Variants in UBA7 observed in about 807,000 individuals in gnomAD.
The protein encoded by UBA7 is ubiquitin like modifier activating enzyme 7, also known as ubiquitin-like modifier-activating enzyme 7.
In UBA7, 88 loss-of-function variants were observed where a neutral mutation model predicts 113.0. That is an observed-to-expected ratio of 0.78 (90% CI 0.66 to 0.93). The LOEUF (loss-of-function observed/expected upper bound fraction) is 0.93. UBA7 is among the 40% of genes least tolerant of loss of function. The pLI is 0.00. For synonymous variants in UBA7, 459 were observed against 513.0 expected (o/e 0.89, Z 1.42); for missense variants, 1,092 against 1,266.4 (o/e 0.86, Z 2.09).
chr3:49,806,959 T>A (rs912379410), intron 21 of UBA7, among the ~76,000 whole-genome samples: 3 of 152,162 alleles, frequency 2.0e-5, no homozygotes, highest in Admixed American at 2.0e-4. Flanking sequence ...AACCCAGTGC[T>A]GGCCCATGAC....
chr3:49,809,673 TC>T lies in UBA7; in HGVS notation c.1956del (p.Lys653SerfsTer7). ...DMDEPQTLTL[L>X]KPVLGVLRVR... ...ACTCTCAGGACCCCAAGCACTGGCT[TC>T]AGTAAGGTGAGTGTCTGTGGCTCAT... On this transcript the variant is annotated frameshift_variant, in exon 16 of 24. Transcript: ENST00000333486. LOFTEE classifies it high-confidence loss of function. The T allele has an allele frequency of 6.2e-7, 1 of 1,614,102 alleles. No homozygotes were observed. Among genetic ancestry groups the T allele is most frequent in the Non-Finnish European group, 8.5e-7 (1 of 1,180,024 alleles).
rs1208578246 is a variant in UBA7 at position 49,813,816 on chromosome 3, G to A, written c.-29C>T. ...CAAACCTGGGGCTGAACAGTAGGCTGCAGCGCTCAGAGATAGGGTCTTTGT... is the reference window on the plus strand; with the variant it reads ...CAAACCTGGGGCTGAACAGTAGGCTACAGCGCTCAGAGATAGGGTCTTTGT... On this transcript the variant is annotated 5_prime_UTR_variant, in exon 1 of 24. Coordinates refer to ENST00000333486, the MANE Select transcript of UBA7 (RefSeq NM_003335.3). The A allele has an allele frequency of 3.1e-6, 5 of 1,613,508 alleles. No homozygotes were observed. Among genetic ancestry groups the A allele is most frequent in the Non-Finnish European group, 4.2e-6 (5 of 1,179,752 alleles).
In UBA7 at chr3:49,809,809, C is replaced by A; in HGVS notation, c.1904+6G>T. 6.2e-7 allele frequency: 1 copy of A among 1,614,070 alleles called. No homozygotes were observed. On this transcript the variant is annotated splice_donor_region_variant and intron_variant, in intron 15 of 23. Coordinates refer to ENST00000333486, the MANE Select transcript of UBA7 (RefSeq NM_003335.3). ...GACTCCCATCTGCCTCTGTTGGTGG[C>A]CTTACTGTTGGTGGTGGTTGATGGT...
Position 49,807,736 on chromosome 3 carries a change from C to A in UBA7, c.2715G>T (p.Thr905=). Residue 905 remains threonine, a splice_region_variant and synonymous_variant, in exon 21 of 24, where the codon ACG becomes ACT. Transcript: ENST00000333486. This position sits in a 1 kb window ranked among gnomAD's most constrained non-coding sequence, Gnocchi z 4.0. The stretch of plus-strand genomic sequence containing the variant: ...TAAGGGTGGGGTATCATGGGCTCAC[C>A]GTCTGGATGGCTGGGGCAAAAGGCA... ...RYMPFAPAIQ[T]FHHLKWTSWD... 1 of 1,603,358 alleles carries A rather than the reference C, an allele frequency of 6.2e-7. No individual in the cohort carries two copies. The highest frequency in any genetic ancestry group is 8.5e-7 in the Non-Finnish European group (1 of 1,174,228).
chr3:49,806,828 G>A (rs751724698), intron 21 of UBA7, among the ~76,000 whole-genome samples: 28 of 151,920 alleles, frequency 1.8e-4, no homozygotes, highest in Non-Finnish European at 3.2e-4. Context: ...GTGAGATGGG[G>A]GCTTCTCCTT....
chr3:49,813,331 T>G lies in UBA7; in HGVS notation c.278A>C (p.Glu93Ala), dbSNP rs146340564. 58 of 1,614,026 alleles carry G rather than the reference T, an allele frequency of 3.6e-5. No individual in the cohort carries two copies. Among genetic ancestry groups the G allele is most frequent in the Non-Finnish European group, 4.8e-5 (57 of 1,180,032 alleles). Residue 93 changes from glutamate (E) to alanine (A), a missense_variant, in exon 3 of 24, where the codon GAG (glutamate) becomes GCG (alanine). Physicochemically the swap from Glu to Ala is moderately radical, Grantham distance 107. Coordinates refer to ENST00000333486, the MANE Select transcript of UBA7 (RefSeq NM_003335.3). ...AGCTCTGTTGAGCTGAGCCAAGAGC[T>G]CTTGAGAGGCCTCGGCTCTGCTCCT... ...LERSRAEASQELLAQLNRAVQ... is the reference protein window; with the variant it reads ...LERSRAEASQALLAQLNRAVQ...
rs779592568 is a variant in UBA7 at position 49,809,938 on chromosome 3, C to T, written c.1839+40G>A. 4.3e-6 allele frequency: 7 copies of T among 1,613,946 alleles called. No homozygotes were observed. In the East Asian group the frequency reaches 1.3e-4, roughly 31 times the overall value. On this transcript the variant is annotated intron_variant, in intron 14 of 23. Transcript: ENST00000333486. ...TGGAGAACAGGTCTGCAGCTGAGGG[C>T]TGAGCTGGGTGGGGTGGGAGTCTCC...
chr3:49,805,531 C>A, intron 23 of UBA7, 94 bp from the exon 24 acceptor site: 1 of 1,223,364 alleles, frequency 8.2e-7, no homozygotes, highest in South Asian at 1.2e-5. Context: ...GGCAGGCCGT[C>A]AGGAGCCCAA....
At chr3:49,806,039 T>C (rs200561513) in intron 22 of UBA7, 34 bp downstream of exon 22, 3 of 1,574,506 alleles carry the variant, frequency 1.9e-6, no homozygotes, top group African/African-American at 1.3e-5. Flanking sequence ...CGGGCTGGGC[T>C]GAGCCTGGGG....
chr3:49,806,010 G>T lies in UBA7; in HGVS notation c.2809-13C>A. 1 of 1,566,718 alleles carries T rather than the reference G, an allele frequency of 6.4e-7. No individual in the cohort carries two copies. The highest frequency in any genetic ancestry group is 8.7e-7 in the Non-Finnish European group (1 of 1,155,554). The stretch of plus-strand genomic sequence containing the variant: ...ACCCGTGCTGCTCCTAGAGGAGAAA[G>T]GTCAGACACCAGCTGGGCCGGGCTG... On this transcript the variant is annotated splice_polypyrimidine_tract_variant and intron_variant, in intron 22 of 23. Transcript: ENST00000333486.
At position 49,808,391 on chromosome 3, in the gene UBA7, C is replaced by G; in HGVS notation, c.2425G>C (p.Glu809Gln). ...VGPPLKPLMF[E>Q]KDDDSNFHVD... is the part of the protein sequence containing the mutation. ...ACTGCCACTTGGGCACCCACCTTCT[C>G]AAACATCAGAGGCTTCAGGGGAGGG... is the stretch of plus-strand genomic sequence containing the variant. Residue 809 changes from glutamate (E) to glutamine (Q), a missense_variant, in exon 19 of 24, where the codon GAG becomes CAG. By Grantham distance (29) the Glu-to-Gln change is conservative. Around this residue, in one of 3 missense-constraint regions of UBA7, gnomAD observed 500 missense variants for 529.3 expected, o/e 0.94. Coordinates refer to ENST00000333486, the MANE Select transcript of UBA7 (RefSeq NM_003335.3). 1 of 1,614,208 alleles carries G rather than the reference C, an allele frequency of 6.2e-7. No individual in the cohort carries two copies. Among genetic ancestry groups the G allele is most frequent in the East Asian group, 2.2e-5 (1 of 44,886 alleles).
At chr3:49,811,813 C>T in intron 8 of UBA7, 57 bp downstream of exon 8, 3 of 1,599,926 alleles carry the variant, frequency 1.9e-6, no homozygotes, top group Non-Finnish European at 2.6e-6. Flanking sequence ...TTGCCTCTGG[C>T]AGGTGGGACC....
Position 49,809,417 on chromosome 3 carries a change from G to A in UBA7, c.2136C>T (p.Pro712=). 1 of 1,614,160 alleles carries A rather than the reference G, an allele frequency of 6.2e-7. No homozygotes were observed. The highest frequency in any genetic ancestry group is 8.5e-7 in the Non-Finnish European group (1 of 1,180,014). The change falls in exon 17 of 24, where the codon CCC becomes CCT. Residue 712 remains proline (P), a synonymous_variant. Coordinates refer to ENST00000333486, the MANE Select transcript of UBA7 (RefSeq NM_003335.3). Reference sequence around the variant, plus strand: ...GGTTGGTGTCAAACTCCAAGGGCTGGGGACACTGTTTGGGACCTGACCAGA... The same window carrying A: ...GGTTGGTGTCAAACTCCAAGGGCTGAGGACACTGTTTGGGACCTGACCAGA... ...TPFWSGPKQC[P]QPLEFDTNQD...
In UBA7 at chr3:49,810,650, C is replaced by A. The variant is rs1424830411; in HGVS notation, c.1334G>T (p.Cys445Phe). Residue 445 changes from cysteine (C) to phenylalanine (F), a missense_variant, in exon 12 of 24, where the codon TGT becomes TTT. Cys to Phe is a radical substitution (Grantham distance 205). Around this residue, in one of 3 missense-constraint regions of UBA7, gnomAD observed 584 missense variants for 714.5 expected, o/e 0.82. Coordinates refer to ENST00000333486, the MANE Select transcript of UBA7 (RefSeq NM_003335.3). This position sits in a 1 kb window ranked among gnomAD's most constrained non-coding sequence, Gnocchi z 5.6. ...TAGGGCAAAGACTTTGAGCAGCTCA[C>A]AACCAATGGCACCAGCGCCCACCTG... ...YLLVGAGAIG[C>F]ELLKVFALVG... 1.9e-6 allele frequency: 3 copies of A among 1,614,110 alleles called. No individual in the cohort carries two copies. The highest frequency in any genetic ancestry group is 2.2e-5 in the East Asian group (1 of 44,888).
chr3:49,809,656 G>GA lies in UBA7; in HGVS notation c.1973dup (p.Leu659ProfsTer37). On this transcript the variant is annotated frameshift_variant, in exon 16 of 24. Transcript: ENST00000333486. LOFTEE classifies it high-confidence loss of function. The stretch of plus-strand genomic sequence containing the variant: ...GCCAGTTCTGTGGACGCACTCTCAG[G>GA]ACCCCAAGCACTGGCTTCAGTAAGG... The GA allele has an allele frequency of 6.2e-7, 1 of 1,614,088 alleles. No homozygotes were observed. Among genetic ancestry groups the GA allele is most frequent in the Non-Finnish European group, 8.5e-7 (1 of 1,180,026 alleles).
In UBA7 at chr3:49,812,628, G is replaced by A; in HGVS notation, c.558+20C>T. 1 of 1,614,204 alleles carries A rather than the reference G, an allele frequency of 6.2e-7. No homozygotes were observed. Among genetic ancestry groups the A allele is most frequent in the Admixed American group, 1.7e-5 (1 of 60,026 alleles). On this transcript the variant is annotated intron_variant, in intron 5 of 23. Coordinates refer to ENST00000333486, the MANE Select transcript of UBA7 (RefSeq NM_003335.3). ...GCCTCTCCTTGGTCAGCAGGTGAAT[G>A]CCTACAGCTCAGCACCCACCTGGGA...
intron 4 of UBA7, 144 bp downstream of exon 4, chr3:49,812,918 A>T: frequency 8.6e-7 from 1 of 1,165,130 alleles, no homozygotes; most frequent in East Asian, 2.5e-5. Flanking sequence ...ACCAGAGGGC[A>T]GGACTGGGGA....
chr3:49,808,978 A>AT lies in UBA7; in HGVS notation c.2344_2345insA (p.Phe782TyrfsTer4), dbSNP rs765744000. ...GGGGCCAGGGCCAGGAGCCTCACCA[A>AT]ACTCAGCAGAAGCCGAAGCCAGCTC... On this transcript the variant is annotated frameshift_variant, in exon 18 of 24. Coordinates refer to ENST00000333486, the MANE Select transcript of UBA7 (RefSeq NM_003335.3). LOFTEE classifies it high-confidence loss of function. 1,567 of 1,613,108 alleles carry AT rather than the reference A, an allele frequency of 9.7e-4. 3 individuals carry two copies. Among genetic ancestry groups the AT allele is most frequent in the Non-Finnish European group, 1.1e-3 (1,347 of 1,179,808 alleles).
rs1575374429 is a variant in UBA7 at position 49,810,028 on chromosome 3, G to A, written c.1789C>T (p.Pro597Ser). The A allele has an allele frequency of 1.2e-6, 2 of 1,613,822 alleles. No individual in the cohort carries two copies. Among genetic ancestry groups the A allele is most frequent in the Non-Finnish European group, 1.7e-6 (2 of 1,179,984 alleles). ...SAAASEDAPY[P>S]VCTVRYFPST... ...GGGAAGTACCGCACGGTACAGACAG[G>A]GTAGGGGGCATCCTCAGAAGCTGCA... The change falls in exon 14 of 24, where the codon CCT (proline) becomes TCT (serine). Residue 597 changes from proline (P) to serine (S), a missense_variant. Pro to Ser is a moderately conservative substitution (Grantham distance 74, BLOSUM62 -1). Around this residue, in one of 3 missense-constraint regions of UBA7, gnomAD observed 500 missense variants for 529.3 expected, o/e 0.94. Coordinates refer to ENST00000333486, the MANE Select transcript of UBA7 (RefSeq NM_003335.3). This position sits in a 1 kb window ranked among gnomAD's most constrained non-coding sequence, Gnocchi z 5.6.
Sources: allele counts gnomAD v4.1 joint callset (sites outside exome capture counted in the v4.1 genomes callset), GRCh38; gene constraint gnomAD v4.1.1; regional missense constraint gnomAD v4.1.1; non-coding constraint Gnocchi (gnomAD v3.1); transcripts MANE v1.5; gene names NCBI Gene and HGNC (gene_info 2026-07-23, HGNC 2026-07-21).